The following PCDHGA8 variants were observed in gnomAD, a reference collection of about 807,000 sequenced individuals.
The protein encoded by PCDHGA8 is protocadherin gamma-A8.
PCDHGA8 carries 45 observed loss-of-function variants against 59.2 expected under a neutral mutation model. The ratio of observed to expected loss-of-function variants is 0.76; its 90% confidence interval spans 0.60 to 0.98. The LOEUF (loss-of-function observed/expected upper bound fraction) is 0.98, where lower values mean the gene tolerates loss of function less well. Among genes scored for constraint, PCDHGA8 ranks in the 50% least tolerant of loss-of-function variants. PCDHGA8 has a pLI of 0.00. For missense variants in PCDHGA8, 1,257 were observed against 1,196.2 expected, an observed-to-expected ratio of 1.05 and a Z score of -0.75; for synonymous variants, 531 against 519.0, an observed-to-expected ratio of 1.02 and a Z score of -0.32.
rs1015619417 is a variant in PCDHGA8 at position 141,455,526 on chromosome 5, C to T, written c.2425-39281C>T. Among the ~76,000 whole-genome samples the T allele has an allele frequency of 2.0e-5, 3 of 152,106 alleles. 1 individual carries two copies. Among genetic ancestry groups the T allele is most frequent in the South Asian group, 4.1e-4 (2 of 4,826 alleles). ...CATAGGGCTCAGGGGATTGGTTTGA[C>T]CAGGCATATCATTCACGTAGCCCGA... On this transcript the variant is annotated intron_variant, in intron 1 of 3. Coordinates refer to ENST00000398604, the MANE Select transcript of PCDHGA8 (RefSeq NM_032088.2).
intron 2 of PCDHGA8, among the ~76,000 whole-genome samples, chr5:141,498,091 C>G (rs2099781521): frequency 6.6e-6 from 1 of 152,156 alleles, no homozygotes; most frequent in African/African-American, 2.4e-5. Context: ...AGAATTGTAT[C>G]TGGTGGTGTG....
rs951964805 is a variant in PCDHGA8, at chr5:141,512,109, C to A, written c.*936C>A. The A allele has an allele frequency of 1.0e-4, 16 of 152,656 alleles. No individual in the cohort carries two copies. The highest frequency in any genetic ancestry group is 1.5e-5 in the Non-Finnish European group (1 of 68,058). 9.5% of individuals were successfully genotyped at this position (152,656 alleles called of 1,614,324 possible). Reference sequence around the variant, plus strand: ...ACCAATAACTAGGCTGGACCCTTCCCACTACATAATAGGGCTCAGCCCAGG... The same window carrying A: ...ACCAATAACTAGGCTGGACCCTTCCAACTACATAATAGGGCTCAGCCCAGG... On this transcript the variant is annotated 3_prime_UTR_variant, in exon 4 of 4. Coordinates refer to ENST00000398604, the MANE Select transcript of PCDHGA8 (RefSeq NM_032088.2).
intron 1 of PCDHGA8, chr5:141,404,993 C>G (rs1159647700): frequency 6.2e-7 from 1 of 1,613,850 alleles, no homozygotes; most frequent in Non-Finnish European, 8.5e-7. Flanking sequence ...TCTTCAGATC[C>G]CTGCAGACCT....
At chr5:141,414,790 A>G (rs1190584746) in intron 1 of PCDHGA8, 1 of 1,614,226 alleles carries the variant, frequency 6.2e-7, no homozygotes, top group South Asian at 1.1e-5. Context: ...GGTGACAGCC[A>G]GCGACAGCGG....
intron 1 of PCDHGA8, chr5:141,414,723 C>T (rs775890033): frequency 1.9e-6 from 3 of 1,614,170 alleles, no homozygotes. Context: ...CAGACACTGG[C>T]GTCCTGTATG....
Position 141,491,531 on chromosome 5 carries a change from T to G in PCDHGA8, c.2425-3276T>G, listed in dbSNP as rs532897059. On this transcript the variant is annotated intron_variant, in intron 1 of 3. Coordinates refer to ENST00000398604, the MANE Select transcript of PCDHGA8 (RefSeq NM_032088.2). This position sits in a 1 kb window ranked among gnomAD's most constrained non-coding sequence, Gnocchi z 6.9. ...ACGCTCAAGTACATGGAGGTGACGC[T>G]GCGGCCCACAGACTCGCAGAGCCAC... The G allele has an allele frequency of 6.2e-7, 1 of 1,614,044 alleles. No homozygotes were observed. The highest frequency in any genetic ancestry group is 1.7e-5 in the Admixed American group (1 of 60,028).
In PCDHGA8 at chr5:141,477,913, T is replaced by G; in HGVS notation, c.2425-16894T>G. ...CACGGGTGGTAGGCTGGGACGCGGA[T>G]GCAGGGCACAATGCCTGGCTCTCCT... On this transcript the variant is annotated intron_variant, in intron 1 of 3. Transcript: ENST00000398604. This position sits in a 1 kb window ranked among gnomAD's most constrained non-coding sequence, Gnocchi z 4.9. 6.2e-7 allele frequency: 1 copy of G among 1,614,190 alleles called. No individual in the cohort carries two copies. Among genetic ancestry groups the G allele is most frequent in the Non-Finnish European group, 8.5e-7 (1 of 1,180,024 alleles).
At chr5:141,456,259 C>T (rs1456888951) in intron 1 of PCDHGA8, among the ~76,000 whole-genome samples, 1 of 152,122 alleles carries the variant, frequency 6.6e-6, no homozygotes, top group Non-Finnish European at 1.5e-5. Flanking sequence ...GCGACCATTG[C>T]TTCTGGCTAC....
At position 141,471,056 on chromosome 5, in the gene PCDHGA8, T is replaced by C. The variant is rs1367189715; in HGVS notation, c.2425-23751T>C. On this transcript the variant is annotated intron_variant, in intron 1 of 3. Coordinates refer to ENST00000398604, the MANE Select transcript of PCDHGA8 (RefSeq NM_032088.2). ...ACAAGCCCAAGCCCTCTTTTTTTTT[T>C]TTTTTTTTTTGAGACAGGGTCTCCC... Among the ~76,000 whole-genome samples, 581 of 150,056 alleles carry C rather than the reference T, an allele frequency of 3.9e-3. 6 individuals are homozygous for C. Among genetic ancestry groups the C allele is most frequent in the Admixed American group, 0.011 (167 of 15,092 alleles).
chr5:141,495,752 C>G (rs1310125902), intron 2 of PCDHGA8, among the ~76,000 whole-genome samples: 1 of 152,150 alleles, frequency 6.6e-6, no homozygotes, highest in Non-Finnish European at 1.5e-5. Flanking sequence ...TTCTCTATCT[C>G]TGCCTCCCTG....
intron 1 of PCDHGA8, chr5:141,403,036 C>T: frequency 1.9e-6 from 3 of 1,614,080 alleles, no homozygotes; most frequent in Non-Finnish European, 2.5e-6. Context: ...AGGCCAGGGC[C>T]AGTCAGATTC....
chr5:141,502,468 C>A (rs1007796183), intron 2 of PCDHGA8, among the ~76,000 whole-genome samples: 6 of 151,190 alleles, frequency 4.0e-5, no homozygotes, highest in Non-Finnish European at 8.8e-5. Flanking sequence ...GGAATACTTC[C>A]CGCAGCATCA....
At chr5:141,405,227 C>A (rs562247940) in intron 1 of PCDHGA8, 1 of 1,614,114 alleles carries the variant, frequency 6.2e-7, no homozygotes. Context: ...GGAGTTCTCC[C>A]TCACCGCTGA....
At chr5:141,419,313 G>T in intron 1 of PCDHGA8, 1 of 1,613,974 alleles carries the variant, frequency 6.2e-7, no homozygotes, top group Non-Finnish European at 8.5e-7. Context: ...GGGCTCAACG[G>T]CCGTGTCTCC....
intron 1 of PCDHGA8, among the ~76,000 whole-genome samples, chr5:141,451,134 T>C (rs567790185): frequency 9.9e-5 from 15 of 152,254 alleles, no homozygotes; most frequent in African/African-American, 3.6e-4. Context: ...AGCCTTATGA[T>C]TGTATTTAGA....
At chr5:141,410,698 C>G in intron 1 of PCDHGA8, 1 of 1,482,836 alleles carries the variant, frequency 6.7e-7, no homozygotes, top group Non-Finnish European at 9.0e-7. Context: ...ACTTTATTTT[C>G]ATATCTAGAA....
At position 141,494,833 on chromosome 5, in the gene PCDHGA8, T is replaced by C. The variant is rs537340090; in HGVS notation, c.2451T>C (p.Arg817=). 1 of 1,614,094 alleles carries C rather than the reference T, an allele frequency of 6.2e-7. No homozygotes were observed. The highest frequency in any genetic ancestry group is 1.7e-5 in the Admixed American group (1 of 60,014). Residue 817 remains arginine, a synonymous_variant, in exon 2 of 4, where the codon CGT becomes CGC. Coordinates refer to ENST00000398604, the MANE Select transcript of PCDHGA8 (RefSeq NM_032088.2). ...GQQAPPNTDW[R]FSQAQRPGTS... Reference sequence around the variant, plus strand: ...AAGCCCCGCCCAACACGGACTGGCGTTTCTCTCAGGCCCAGAGACCCGGCA... The same window carrying C: ...AAGCCCCGCCCAACACGGACTGGCGCTTCTCTCAGGCCCAGAGACCCGGCA...
intron 1 of PCDHGA8, 110 bp from the exon 2 acceptor site, chr5:141,494,697 T>C: frequency 6.3e-7 from 1 of 1,590,934 alleles, no homozygotes; most frequent in Non-Finnish European, 8.6e-7. Flanking sequence ...TAGTCCGTTT[T>C]CTTCTCTGTG....
At chr5:141,430,991 A>T (rs2097333608) in intron 1 of PCDHGA8, 1 of 1,613,980 alleles carries the variant, frequency 6.2e-7, no homozygotes, top group African/African-American at 1.3e-5. Context: ...TTTCGCCCTG[A>T]ATCCGCGCAG....
Sources: allele counts gnomAD v4.1 joint callset (sites outside exome capture counted in the v4.1 genomes callset), GRCh38; gene constraint gnomAD v4.1.1; non-coding constraint Gnocchi (gnomAD v3.1); transcripts MANE v1.5; gene names NCBI Gene and HGNC (gene_info 2026-07-23, HGNC 2026-07-21).